SELENON: variants seen among roughly 807,000 people sequenced by gnomAD.
SELENON encodes the protein selenoprotein N, also known as selenoprotein N, 1.
Under a neutral mutation model 59.5 loss-of-function variants are expected in SELENON, and 44 were observed. The ratio of observed to expected loss-of-function variants is 0.74; its 90% CI spans 0.58 to 0.95. SELENON has a LOEUF of 0.95. Among genes scored for constraint, SELENON ranks in the 40% least tolerant of loss-of-function variants. SELENON has a pLI of 0.00. For missense variants in SELENON, 674 were observed against 721.4 expected (o/e 0.93, Z 0.75); for synonymous variants, 320 against 305.6 (o/e 1.05, Z -0.49).
chr1:25,815,502 G>T (rs762304419), intron 12 of SELENON, 46 bp from the exon 12 acceptor site: 6 of 1,564,988 alleles, frequency 3.8e-6, no homozygotes, highest in Non-Finnish European at 5.3e-6. Flanking sequence ...CAGGGAGCCT[G>T]GGGGCCCCCC....
chr1:25,803,199 A>G (rs1572228777), intron 3 of SELENON, among the ~76,000 whole-genome samples: 2 of 151,954 alleles, frequency 1.3e-5, no homozygotes, highest in African/African-American at 4.8e-5. Context: ...TTGCACAGCT[A>G]CCTCTTTGTC....
rs545348455 is a variant in SELENON, at chr1:25,800,973, C to T, written c.184-70C>T. 2.5e-5 allele frequency: 31 copies of T among 1,230,040 alleles called. No individual in the cohort carries two copies. The African/African-American group carries it at 4.0e-4, about 16-fold the overall frequency. The allele number at this position is 1,230,040 out of a possible 1,614,324, so 76.2% of individuals were successfully genotyped here. On this transcript the variant is annotated intron_variant, in intron 1 of 12. Coordinates refer to ENST00000361547, the MANE Select transcript of SELENON (RefSeq NM_020451.3). ...TGGGAGAAGGGGCTCCATGCGGAAGCAACTGCCTGTTGGGGACCAGGAGAC... is the reference window on the plus strand; with the variant it reads ...TGGGAGAAGGGGCTCCATGCGGAAGTAACTGCCTGTTGGGGACCAGGAGAC...
chr1:25,808,888 C>T (rs1225651675), intron 5 of SELENON, 99 bp downstream of exon 4: 2 of 1,570,870 alleles, frequency 1.3e-6, no homozygotes, highest in Non-Finnish European at 1.8e-6. Context: ...GCCTGCTCCA[C>T]CTGCTCTCCT....
chr1:25,801,292 C>A (rs765849049), intron 2 of SELENON, 132 bp downstream of exon 2: 2 of 741,052 alleles, frequency 2.7e-6, no homozygotes, highest in East Asian at 2.6e-5. Flanking sequence ...CCAGCTCTGA[C>A]ACTTTGTAGC....
In SELENON at chr1:25,815,988, C is replaced by G. The variant is rs1339931825; in HGVS notation, c.*270C>G. 2.0e-6 allele frequency: 1 copy of G among 492,346 alleles called. No individual in the cohort carries two copies. Among genetic ancestry groups the G allele is most frequent in the Non-Finnish European group, 3.7e-6 (1 of 268,620 alleles). The allele number at this position is 492,346 out of a possible 1,614,324, so 30.5% of individuals were successfully genotyped here. A position where few individuals can be genotyped will look rare whatever the true frequency, so the allele number is the denominator to read the frequency against. On this transcript the variant is annotated 3_prime_UTR_variant, in exon 13 of 13. Transcript: ENST00000361547. ...TTGGCTCTGGAAGCTGCTTGGCCCCCCCAGATCAGGGCCTGGGTGAACTCC... is the reference window on the plus strand; with the variant it reads ...TTGGCTCTGGAAGCTGCTTGGCCCCGCCAGATCAGGGCCTGGGTGAACTCC...
chr1:25,811,570 CG>C (rs2047959850), intron 8 of SELENON, 35 bp downstream of exon 7: 1 of 1,608,900 alleles, frequency 6.2e-7, no homozygotes, highest in Non-Finnish European at 8.5e-7. Flanking sequence ...CAGGTGGGCT[CG>C]GCTGCAGGGC....
At chr1:25,805,629 TACTATGATGATTATTTCCCACAC>T (rs576201315) in intron 4 of SELENON, among the ~76,000 whole-genome samples, 3,336 of 149,856 alleles carry the variant, frequency 0.022, 135 homozygotes, top group African/African-American at 0.08. Context: ...CCGCCCCACA[TACTATGATGATTATTTCCCACAC>T]ACTATGATGA....
intron 4 of SELENON, 91 bp downstream of exon 3, chr1:25,805,366 T>C (rs751378974): frequency 1.2e-5 from 19 of 1,571,032 alleles, no homozygotes; most frequent in Non-Finnish European, 1.6e-5. Context: ...CTGCCCTCTG[T>C]GTGCCCACTA....
At chr1:25,808,913 C>T (rs2124447772) in intron 5 of SELENON, 113 bp from the exon 5 acceptor site, 6 of 1,576,526 alleles carry the variant, frequency 3.8e-6, no homozygotes, top group Middle Eastern at 1.8e-4. Flanking sequence ...TCCTCTGGAC[C>T]TGCCCCCTCC....
At position 25,818,124 on chromosome 1, in the gene SELENON, G is replaced by A. The variant is rs2048029929; in HGVS notation, c.*2406G>A. On this transcript the variant is annotated 3_prime_UTR_variant, in exon 13 of 13. Coordinates refer to ENST00000361547, the MANE Select transcript of SELENON (RefSeq NM_020451.3). ...TTCATGTCCCCCACCAGGCCTCGAG[G>A]CTCAGGGTGGGAGAGGGCCCCGGGC... The A allele has an allele frequency of 6.6e-6, 1 of 152,454 alleles. No homozygotes were observed. Among genetic ancestry groups the A allele is most frequent in the Admixed American group, 6.5e-5 (1 of 15,288 alleles). The allele number at this position is 152,454 out of a possible 1,614,324, so 9.4% of individuals were successfully genotyped here.
intron 12 of SELENON, among the ~76,000 whole-genome samples, chr1:25,814,810 C>T (rs1289483705): frequency 6.6e-6 from 1 of 152,160 alleles, no homozygotes; most frequent in Non-Finnish European, 1.5e-5. Flanking sequence ...AGTCCCAAGG[C>T]ATGGTTAGTG....
chr1:25,816,450 C>T lies in SELENON; in HGVS notation c.*732C>T, dbSNP rs916732263. ...TCCCGAGGCCCAGGGCCAAGGCACT[C>T]CCACCGCCTACCTTAGCACAGGGTC... On this transcript the variant is annotated 3_prime_UTR_variant, in exon 13 of 13. Transcript: ENST00000361547. The T allele has an allele frequency of 6.6e-6, 1 of 152,634 alleles. No homozygotes were observed. The highest frequency in any genetic ancestry group is 1.9e-4 in the East Asian group (1 of 5,206). The allele number at this position is 152,634 out of a possible 1,614,324, so 9.5% of individuals were successfully genotyped here.
chr1:25,811,421 G>A (rs752967741), intron 7 of SELENON, 33 bp from the exon 7 acceptor site: 9 of 1,566,514 alleles, frequency 5.7e-6, no homozygotes, highest in South Asian at 1.1e-5. Context: ...AATGGGCTTT[G>A]ATGATGGTGT....
At chr1:25,813,436 G>A (rs1289310691) in intron 10 of SELENON, 2 of 337,300 alleles carry the variant, frequency 5.9e-6, no homozygotes, top group Non-Finnish European at 5.9e-6. Flanking sequence ...CACGGTGAGT[G>A]TTCTACAGGG....
At chr1:25,813,695 A>ATATTAT (rs1254119156) in intron 10 of SELENON, 186 bp from the exon 10 acceptor site, 3 of 653,224 alleles carry the variant, frequency 4.6e-6, no homozygotes, top group Non-Finnish European at 8.5e-6. Flanking sequence ...TCAGCCCAGG[A>ATATTAT]TGCTGGTATA....
intron 3 of SELENON, among the ~76,000 whole-genome samples, chr1:25,804,490 A>G (rs568231967): frequency 6.6e-6 from 1 of 150,790 alleles, no homozygotes; most frequent in South Asian, 2.1e-4. Context: ...CTTTTGAAAT[A>G]GGCGTCATTT....
Position 25,807,989 on chromosome 1 carries a change from GTCT to G in SELENON, c.538-590_538-588del, listed in dbSNP as rs1383945000. On this transcript the variant is annotated intron_variant, in intron 4 of 12. Transcript: ENST00000361547. The surrounding 1 kb of genome is among the most constrained non-coding windows in gnomAD (Gnocchi z 4.5). ...GTGGCCTTCCTTCCCCTTCCCTGTG[GTCT>G]CATCCTGCTCTTGACCCTAGAGATT... Among the ~76,000 whole-genome samples the G allele has an allele frequency of 6.6e-6, 1 of 152,194 alleles. No homozygotes were observed. The highest frequency in any genetic ancestry group is 1.5e-5 in the Non-Finnish European group (1 of 68,034).
intron 9 of SELENON, 124 bp downstream of exon 8, chr1:25,812,003 G>A (rs1474540653): frequency 1.8e-6 from 2 of 1,085,016 alleles, no homozygotes; most frequent in South Asian, 1.4e-5. Context: ...CTGTCTCACT[G>A]TTGGGCCCAG....
intron 4 of SELENON, among the ~76,000 whole-genome samples, chr1:25,806,862 C>T (rs2047911604): frequency 6.8e-6 from 1 of 147,188 alleles, no homozygotes; most frequent in Non-Finnish European, 1.5e-5. Context: ...CGCTCTGTCG[C>T]CCAGGCTGGA....
Sources: gnomAD v4.1 joint callset for allele counts (sites outside exome capture counted in the v4.1 genomes callset) on GRCh38, gnomAD v4.1.1 for gene constraint, Gnocchi (gnomAD v3.1) non-coding constraint, MANE v1.5 for transcripts, NCBI Gene and HGNC (gene_info 2026-07-23, HGNC 2026-07-21) for gene names.